Variants in MCPH1 observed in about 807,000 individuals in gnomAD.
MCPH1 encodes the protein microcephalin.
Under a neutral mutation model 84.5 loss-of-function variants are expected in MCPH1, and 104 were observed. The observed-to-expected ratio is 1.23, with a 90% confidence interval of 1.05 to 1.45. MCPH1 has a LOEUF of 1.45. Ranked by LOEUF, MCPH1 falls within the 40% of genes most tolerant of loss-of-function variation. The probability of loss-of-function intolerance (pLI) is 0.00; values close to 1 mark genes in which losing one functional copy is unlikely to be tolerated. For synonymous variants in MCPH1, 514 were observed against 366.8 expected, an observed-to-expected ratio of 1.40 and a Z score of -4.58; for missense variants, 1,498 against 1,005.7, an observed-to-expected ratio of 1.49 and a Z score of -6.62.
chr8:6,629,832 A>G (rs1004551203), intron 13 of MCPH1, among the ~76,000 whole-genome samples: 1 of 152,214 alleles, frequency 6.6e-6, no homozygotes, highest in African/African-American at 2.4e-5. Flanking sequence ...TGAAAGACCC[A>G]GAACCCCAGT....
In MCPH1 at chr8:6,415,010, CT is replaced by C. The variant is rs1239899128; in HGVS notation, c.233+128del. 3 of 889,650 alleles carry C rather than the reference CT, an allele frequency of 3.4e-6. No individual in the cohort carries two copies. The African/African-American group carries it at 5.2e-5, about 15-fold the overall frequency. 55.1% of individuals were successfully genotyped at this position (889,650 alleles called of 1,614,324 possible). A position where few individuals can be genotyped will look rare whatever the true frequency, so the allele number is the denominator to read the frequency against. ...ATCTTTTCTCTGCCTCTTACCTCAC[CT>C]AGTAATTTGAAATCCTCCAGCCTCA... On this transcript the variant is annotated intron_variant, in intron 3 of 13. Transcript: ENST00000344683.
At chr8:6,521,430 TTA>T (rs755198128) in intron 12 of MCPH1, 16 of 1,539,584 alleles carry the variant, frequency 1.0e-5, no homozygotes, top group Non-Finnish European at 1.3e-5. Flanking sequence ...AAAAGAATTG[TTA>T]GTTAGTGAAG....
At position 6,536,700 on chromosome 8, in the gene MCPH1, A is replaced by G. The variant is rs1359561440; in HGVS notation, c.2214+36771A>G. Among the ~76,000 whole-genome samples the G allele has an allele frequency of 2.0e-5, 3 of 152,236 alleles. No individual in the cohort carries two copies. The East Asian group carries it at 5.8e-4, about 29-fold the overall frequency. The stretch of plus-strand genomic sequence containing the variant: ...ATTTCCAAATAAAGATGTCCCATTT[A>G]ATGTAGCCTTTCCATAAATCACCAC... On this transcript the variant is annotated intron_variant, in intron 12 of 13. Coordinates refer to ENST00000344683, the MANE Select transcript of MCPH1 (RefSeq NM_024596.5).
chr8:6,579,262 T>C (rs1378925958), intron 12 of MCPH1, among the ~76,000 whole-genome samples: 1 of 152,240 alleles, frequency 6.6e-6, no homozygotes, highest in Non-Finnish European at 1.5e-5. Context: ...GTTCCAGGTA[T>C]GGTGTCTGAT....
At chr8:6,593,009 G>A (rs1284101064) in intron 12 of MCPH1, among the ~76,000 whole-genome samples, 1 of 150,738 alleles carries the variant, frequency 6.6e-6, no homozygotes, top group Non-Finnish European at 1.5e-5. Flanking sequence ...AATAAACACA[G>A]AGCTTTATTC....
intron 9 of MCPH1, among the ~76,000 whole-genome samples, chr8:6,468,717 C>T (rs1807318520): frequency 6.8e-6 from 1 of 147,134 alleles, no homozygotes; most frequent in Non-Finnish European, 1.5e-5. Context: ...AAAACTGATA[C>T]TGGTGCTGTA....
At chr8:6,407,164 GC>G (rs1329889077) in intron 1 of MCPH1, 3 of 231,290 alleles carry the variant, frequency 1.3e-5, no homozygotes, top group African/African-American at 2.4e-5. Flanking sequence ...TTGGTGTGGG[GC>G]CCTCCTGGGT....
At chr8:6,576,191 G>A (rs1349630448) in intron 12 of MCPH1, among the ~76,000 whole-genome samples, 2 of 152,108 alleles carry the variant, frequency 1.3e-5, no homozygotes, top group Admixed American at 6.5e-5. Flanking sequence ...GGCAGCTCCT[G>A]GTGATAGCTA....
intron 8 of MCPH1, among the ~76,000 whole-genome samples, chr8:6,453,858 C>G (rs1019721647): frequency 1.3e-5 from 2 of 152,002 alleles, no homozygotes; most frequent in Non-Finnish European, 2.9e-5. Context: ...GTTTGAGTCT[C>G]GAGTGGATTC....
At chr8:6,532,700 G>T (rs1012254051) in intron 12 of MCPH1, among the ~76,000 whole-genome samples, 2 of 151,624 alleles carry the variant, frequency 1.3e-5, no homozygotes, top group African/African-American at 4.9e-5. Flanking sequence ...TGGCAACTTA[G>T]TCACATCATG....
intron 9 of MCPH1, among the ~76,000 whole-genome samples, chr8:6,468,363 C>T (rs914968728): frequency 6.6e-6 from 1 of 152,164 alleles, no homozygotes; most frequent in East Asian, 1.9e-4. Flanking sequence ...TGACCTGCAC[C>T]CTTCTCCCAC....
At chr8:6,487,677 T>C (rs532047327) in intron 11 of MCPH1, among the ~76,000 whole-genome samples, 1 of 152,340 alleles carries the variant, frequency 6.6e-6, no homozygotes, top group South Asian at 2.1e-4. Flanking sequence ...CTGGCAGACA[T>C]TTATTGCTCG....
intron 3 of MCPH1, among the ~76,000 whole-genome samples, chr8:6,418,579 T>C (rs1245724934): frequency 6.6e-6 from 1 of 152,140 alleles, no homozygotes; most frequent in East Asian, 1.9e-4. Flanking sequence ...TAGGGATATT[T>C]TTTATTTTAT....
At chr8:6,639,563 C>T in intron 13 of MCPH1, among the ~76,000 whole-genome samples, 1 of 151,474 alleles carries the variant, frequency 6.6e-6, no homozygotes, top group East Asian at 1.9e-4. Flanking sequence ...CTCAGGACGT[C>T]AAGGTGGGAG....
chr8:6,642,859 G>GT, intron 13 of MCPH1, 135 bp from the exon 14 acceptor site: 1 of 767,872 alleles, frequency 1.3e-6, no homozygotes, highest in South Asian at 1.5e-5. Context: ...CTCTATGGAC[G>GT]TGGGGGGGCC....
intron 11 of MCPH1, among the ~76,000 whole-genome samples, chr8:6,498,607 T>G (rs1811563647): frequency 6.6e-6 from 1 of 152,226 alleles, no homozygotes; most frequent in Non-Finnish European, 1.5e-5. Flanking sequence ...TGGATTATAT[T>G]TGAACTTGAA....
chr8:6,605,599 C>T (rs568663470), intron 12 of MCPH1, among the ~76,000 whole-genome samples: 1 of 152,214 alleles, frequency 6.6e-6, no homozygotes, highest in African/African-American at 2.4e-5. Flanking sequence ...AGACTCTAAG[C>T]AGGGATGAAG....
At chr8:6,436,851 T>A (rs1585753238) in intron 5 of MCPH1, among the ~76,000 whole-genome samples, 1 of 151,900 alleles carries the variant, frequency 6.6e-6, no homozygotes, top group South Asian at 2.1e-4. Context: ...GCGCCTGTAG[T>A]CCCAGCTACT....
chr8:6,427,245 G>C (rs567558574), intron 3 of MCPH1, among the ~76,000 whole-genome samples: 1 of 152,190 alleles, frequency 6.6e-6, no homozygotes, highest in Non-Finnish European at 1.5e-5. Context: ...TGGTTGAGTC[G>C]TTGAGTGAGT....
Sources: gnomAD v4.1 joint callset for allele counts (sites outside exome capture counted in the v4.1 genomes callset) on GRCh38, gnomAD v4.1.1 for gene constraint, MANE v1.5 for transcripts, NCBI Gene and HGNC (gene_info 2026-07-23, HGNC 2026-07-21) for gene names.